Variants in MDGA2 observed in about 807,000 individuals in gnomAD.
The protein encoded by MDGA2 is MAM domain-containing glycosylphosphatidylinositol anchor protein 2.
MDGA2 carries 40 observed loss-of-function variants against 117.8 expected under a neutral mutation model. That is an observed-to-expected ratio of 0.34 (90% confidence interval 0.26 to 0.44). The LOEUF is 0.44. Among genes scored for constraint, MDGA2 ranks in the 20% least tolerant of loss-of-function variants. The pLI is 1.00. For missense variants in MDGA2, 1,123 were observed against 1,250.6 expected (o/e 0.90, Z 1.54); for synonymous variants, 452 against 439.0 (o/e 1.03, Z -0.37).
chr14:47,384,014 T>TAGATAGATA (rs1303344870), intron 1 of MDGA2, among the ~76,000 whole-genome samples: 5 of 117,928 alleles, frequency 4.2e-5, no homozygotes, highest in East Asian at 3.2e-4. Context: ...GATAGATAGA[T>TAGATAGATA]AATAGATAGA....
intron 1 of MDGA2, among the ~76,000 whole-genome samples, chr14:47,326,358 C>A (rs1022644332): frequency 6.6e-6 from 1 of 152,052 alleles, no homozygotes; most frequent in South Asian, 2.1e-4. Flanking sequence ...GTACTATTCT[C>A]CTGAGTTTGA....
chr14:47,433,195 GT>G (rs966896002), intron 1 of MDGA2, among the ~76,000 whole-genome samples: 2 of 152,008 alleles, frequency 1.3e-5, no homozygotes, highest in South Asian at 2.1e-4. Context: ...ACAGTCAATA[GT>G]TTTTTTTATT....
chr14:47,368,458 C>T (rs1173914646), intron 1 of MDGA2, among the ~76,000 whole-genome samples: 3 of 152,052 alleles, frequency 2.0e-5, no homozygotes, highest in Non-Finnish European at 4.4e-5. Flanking sequence ...AATAATCATA[C>T]AGTGTAATAA....
chr14:47,266,400 T>C lies in MDGA2; in HGVS notation c.420+35011A>G, dbSNP rs140558096. Among the ~76,000 whole-genome samples the C allele has an allele frequency of 1.2e-3, 185 of 152,290 alleles. 2 individuals are homozygous for C. In the East Asian group the frequency reaches 0.017, roughly 14 times the overall value. ...ACGTTCATCTCCACTGCCACTACCC[T>C]GGTCAGGCCACTGTCATATCTGACC... On this transcript the variant is annotated intron_variant, in intron 2 of 16. Transcript: ENST00000399232.
intron 7 of MDGA2, among the ~76,000 whole-genome samples, chr14:47,041,267 T>C (rs1283023281): frequency 6.6e-6 from 1 of 152,042 alleles, no homozygotes; most frequent in Non-Finnish European, 1.5e-5. Flanking sequence ...GAATTATTTT[T>C]TAAAAAAACA....
At chr14:47,618,638 C>A (rs1328763402) in intron 1 of MDGA2, among the ~76,000 whole-genome samples, 1 of 152,132 alleles carries the variant, frequency 6.6e-6, no homozygotes, top group African/African-American at 2.4e-5. Context: ...ATCTACCTTG[C>A]ATTTCTTCTT....
At chr14:47,107,322 T>C (rs1298879210) in intron 5 of MDGA2, among the ~76,000 whole-genome samples, 1 of 152,124 alleles carries the variant, frequency 6.6e-6, no homozygotes, top group Non-Finnish European at 1.5e-5. Context: ...TAGTTCAGGA[T>C]CTGCACCTTA....
intron 1 of MDGA2, among the ~76,000 whole-genome samples, chr14:47,380,126 T>C (rs1174324890): frequency 6.6e-6 from 1 of 152,048 alleles, no homozygotes; most frequent in Non-Finnish European, 1.5e-5. Context: ...ATGTACTGGG[T>C]ATGTAATGAA....
chr14:47,661,366 T>C (rs893472653), intron 1 of MDGA2, among the ~76,000 whole-genome samples: 7 of 152,190 alleles, frequency 4.6e-5, no homozygotes, highest in Non-Finnish European at 1.0e-4. Context: ...AGGTGTGGCA[T>C]ACAGTAGGCA....
intron 1 of MDGA2, among the ~76,000 whole-genome samples, chr14:47,372,108 T>C (rs1891373132): frequency 2.0e-5 from 3 of 151,846 alleles, no homozygotes; most frequent in South Asian, 4.1e-4. Context: ...AAACATTATG[T>C]CCTTTGTATA....
At chr14:47,398,081 G>A (rs1184340068) in intron 1 of MDGA2, among the ~76,000 whole-genome samples, 1 of 152,114 alleles carries the variant, frequency 6.6e-6, no homozygotes, top group African/African-American at 2.4e-5. Flanking sequence ...AAAATGAAAT[G>A]ACGCTACTGA....
At chr14:47,392,189 G>A (rs528910760) in intron 1 of MDGA2, among the ~76,000 whole-genome samples, 13 of 152,168 alleles carry the variant, frequency 8.5e-5, no homozygotes, top group Middle Eastern at 3.4e-3. Context: ...AAATAACATC[G>A]TTTAAGGTGA....
intron 2 of MDGA2, among the ~76,000 whole-genome samples, chr14:47,219,584 G>A (rs919936191): frequency 6.6e-6 from 1 of 151,862 alleles, no homozygotes; most frequent in Non-Finnish European, 1.5e-5. Flanking sequence ...CAATTATCTG[G>A]TTAAAATTTA....
At chr14:47,531,534 A>C (rs1895100765) in intron 1 of MDGA2, among the ~76,000 whole-genome samples, 1 of 152,200 alleles carries the variant, frequency 6.6e-6, no homozygotes, top group Non-Finnish European at 1.5e-5. Flanking sequence ...CTGAACTTCA[A>C]TCCCTTGCTT....
intron 2 of MDGA2, among the ~76,000 whole-genome samples, chr14:47,262,105 G>A (rs781551642): frequency 2.0e-5 from 3 of 152,094 alleles, no homozygotes; most frequent in Admixed American, 6.6e-5. Flanking sequence ...ACCAGGCTAC[G>A]ACAAGCAGAT....
intron 9 of MDGA2, 104 bp downstream of exon 9, chr14:46,957,270 G>T: frequency 8.9e-7 from 1 of 1,124,270 alleles, no homozygotes; most frequent in Non-Finnish European, 1.2e-6. Context: ...GCTGTTCTAT[G>T]CTCCATTGAT....
intron 2 of MDGA2, among the ~76,000 whole-genome samples, chr14:47,294,223 C>T (rs1324482957): frequency 6.7e-6 from 1 of 150,350 alleles, no homozygotes; most frequent in African/African-American, 2.5e-5. Context: ...AGCATCCCGA[C>T]TAGCTGGAAC....
intron 14 of MDGA2, chr14:46,872,074 G>C (rs1318916102): frequency 6.5e-6 from 1 of 153,912 alleles, no homozygotes; most frequent in South Asian, 2.0e-4. Flanking sequence ...AATACTGTTG[G>C]GTATGAGTTT....
intron 1 of MDGA2, among the ~76,000 whole-genome samples, chr14:47,306,347 T>G (rs1421378166): frequency 6.6e-6 from 1 of 152,188 alleles, no homozygotes; most frequent in Non-Finnish European, 1.5e-5. Context: ...GTTGGGGGAA[T>G]CTTGAGATGA....
Sources: gnomAD v4.1 joint callset for allele counts (sites outside exome capture counted in the v4.1 genomes callset) on GRCh38, gnomAD v4.1.1 for gene constraint, MANE v1.5 for transcripts, NCBI Gene and HGNC (gene_info 2026-07-23, HGNC 2026-07-21) for gene names.